The following ESRP1 variants were observed in gnomAD, a reference collection of about 807,000 sequenced individuals.
The protein encoded by ESRP1 is RNA-binding motif protein 35A.
ESRP1 carries 33 observed loss-of-function variants against 81.7 expected under a neutral mutation model. The ratio of observed to expected loss-of-function variants is 0.40; its 90% CI spans 0.31 to 0.54. The LOEUF is 0.54. ESRP1 is among the 20% of genes least tolerant of loss of function. The probability of loss-of-function intolerance (pLI) is 0.41; values close to 1 mark genes in which losing one functional copy is unlikely to be tolerated. For missense variants in ESRP1, 672 were observed against 833.1 expected, an observed-to-expected ratio of 0.81 and a Z score of 2.38; for synonymous variants, 320 against 303.3, an observed-to-expected ratio of 1.06 and a Z score of -0.57.
chr8:94,682,904 T>TTATTTATA (rs1554579845), intron 13 of ESRP1, among the ~76,000 whole-genome samples: 2 of 29,842 alleles, frequency 6.7e-5, no homozygotes, highest in African/African-American at 3.6e-4. Context: ...ATTCATTATT[T>TTATTTATA]TATATATATA....
chr8:94,658,412 A>G (rs1385467059), intron 4 of ESRP1, among the ~76,000 whole-genome samples: 1 of 152,238 alleles, frequency 6.6e-6, no homozygotes, highest in Non-Finnish European at 1.5e-5. Context: ...GCCTACACCC[A>G]GGAAATGTTA....
Position 94,662,296 on chromosome 8 carries a change from C to A in ESRP1, c.515C>A (p.Ser172Ter). Reference protein sequence around the residue: ...TEYLNFEKSSSVSRYGASQVE... With the variant: ...TEYLNFEKSS ...GATTTAAATTTTGAGAAGAGTAGTT[C>A]AGTCTCTCGATATGGAGCCTCTCAA... The change falls in exon 5 of 16, where the codon TCA becomes TAA. Residue 172 changes from serine to a stop codon, truncating the protein, a stop_gained. Coordinates refer to ENST00000433389, the MANE Select transcript of ESRP1 (RefSeq NM_017697.4). LOFTEE classifies it high-confidence loss of function. 2 of 1,578,162 alleles carry A rather than the reference C, an allele frequency of 1.3e-6. No homozygotes were observed. Among genetic ancestry groups the A allele is most frequent in the South Asian group, 2.3e-5 (2 of 85,706 alleles).
At chr8:94,662,414 AT>A (rs778120475) in intron 5 of ESRP1, 44 bp downstream of exon 5, 8 of 1,534,436 alleles carry the variant, frequency 5.2e-6, no homozygotes, top group South Asian at 4.8e-5. Flanking sequence ...AATTCATACT[AT>A]TTTTCTCTTA....
intron 15 of ESRP1, among the ~76,000 whole-genome samples, chr8:94,705,190 CAG>C (rs1810022123): frequency 9.9e-6 from 1 of 101,468 alleles, no homozygotes; most frequent in African/African-American, 3.9e-5. Context: ...TTTTTTGAGA[CAG>C]AGTCTCCCTC....
In ESRP1 at chr8:94,641,284, C is replaced by G; in HGVS notation, c.-35C>G. 3.2e-6 allele frequency: 5 copies of G among 1,560,276 alleles called. No homozygotes were observed. The highest frequency in any genetic ancestry group is 1.4e-5 in the African/African-American group (1 of 73,820). On this transcript the variant is annotated 5_prime_UTR_variant, in exon 1 of 16. Coordinates refer to ENST00000433389, the MANE Select transcript of ESRP1 (RefSeq NM_017697.4). Reference sequence around the variant, plus strand: ...TCACTTCCACACCACCTTACCGCCTCCCGACCCCCCCTCTCCCCCTCCCCA... The same window carrying G: ...TCACTTCCACACCACCTTACCGCCTGCCGACCCCCCCTCTCCCCCTCCCCA...
At chr8:94,699,874 T>G (rs749137338) in intron 15 of ESRP1, among the ~76,000 whole-genome samples, 143 of 147,374 alleles carry the variant, frequency 9.7e-4, no homozygotes, top group Middle Eastern at 3.4e-3. Flanking sequence ...GAACCTTGTT[T>G]CTTTCCCCTT....
intron 12 of ESRP1, among the ~76,000 whole-genome samples, chr8:94,675,856 A>G (rs1195946284): frequency 6.6e-6 from 1 of 152,216 alleles, no homozygotes; most frequent in Non-Finnish European, 1.5e-5. Context: ...TCAGCCAGGT[A>G]CAGTGATTCA....
At chr8:94,680,619 G>T (rs954611856) in intron 13 of ESRP1, among the ~76,000 whole-genome samples, 4 of 151,944 alleles carry the variant, frequency 2.6e-5, no homozygotes, top group Admixed American at 1.3e-4. Flanking sequence ...TAGAGAAGGG[G>T]TTTCTCCATG....
chr8:94,700,704 C>T (rs1028901100), intron 15 of ESRP1, among the ~76,000 whole-genome samples: 8 of 150,320 alleles, frequency 5.3e-5, no homozygotes, highest in East Asian at 2.0e-4. Flanking sequence ...CTGAGGCGGG[C>T]GGATCACGAG....
chr8:94,692,743 A>G lies in ESRP1; in HGVS notation c.1887A>G (p.Pro629=). 1.2e-6 allele frequency: 2 copies of G among 1,613,790 alleles called. No homozygotes were observed. Among genetic ancestry groups the G allele is most frequent in the South Asian group, 1.1e-5 (1 of 91,046 alleles). The change falls in exon 14 of 16, where the codon CCA becomes CCG. Residue 629 remains proline, a synonymous_variant. Transcript: ENST00000433389. ...CTGCTAATCTTAGCGGTGTCCCTCCACAGCCTGGCACGGTGGTCAGAATGC... is the reference window on the plus strand; with the variant it reads ...CTGCTAATCTTAGCGGTGTCCCTCCGCAGCCTGGCACGGTGGTCAGAATGC... The part of the protein sequence containing the change: ...PTAANLSGVP[P]QPGTVVRMQG...
intron 5 of ESRP1, 25 bp downstream of exon 5, chr8:94,662,395 C>A: frequency 1.3e-6 from 2 of 1,528,336 alleles, no homozygotes; most frequent in Non-Finnish European, 1.8e-6. Context: ...TATAGTAGTG[C>A]AGTCCCAGAA....
At chr8:94,683,136 G>A (rs938560089) in intron 13 of ESRP1, among the ~76,000 whole-genome samples, 2 of 151,044 alleles carry the variant, frequency 1.3e-5, no homozygotes, top group Non-Finnish European at 2.9e-5. Flanking sequence ...TAGAGACGGT[G>A]TTTCTCCATG....
In ESRP1 at chr8:94,661,617, G is replaced by T. The variant is rs185410479; in HGVS notation, c.491-655G>T. Among the ~76,000 whole-genome samples, 3 of 152,284 alleles carry T rather than the reference G, an allele frequency of 2.0e-5. No homozygotes were observed. The East Asian group carries it at 5.8e-4, about 29-fold the overall frequency. On this transcript the variant is annotated intron_variant, in intron 4 of 15. Coordinates refer to ENST00000433389, the MANE Select transcript of ESRP1 (RefSeq NM_017697.4). Reference sequence around the variant, plus strand: ...CTGGTTTCACCCTCAAACCAAGTTTGAGCTATGTGTTTCAAAGAGTATACT... The same window carrying T: ...CTGGTTTCACCCTCAAACCAAGTTTTAGCTATGTGTTTCAAAGAGTATACT...
In ESRP1 at chr8:94,705,156, C is replaced by CTTTTTT. The variant is rs57801249; in HGVS notation, c.*36-745_*36-740dup. On this transcript the variant is annotated intron_variant, in intron 15 of 15. Coordinates refer to ENST00000433389, the MANE Select transcript of ESRP1 (RefSeq NM_017697.4). ...TTTGCTGTTATGTCATGCCTTATTGCTTTTTTTTTTTTTTTTTTTTTTTTT... is the reference window on the plus strand; with the variant it reads ...TTTGCTGTTATGTCATGCCTTATTGCTTTTTTTTTTTTTTTTTTTTTTTTTTTTTTT... Among the ~76,000 whole-genome samples the CTTTTTT allele has an allele frequency of 3.8e-4, 34 of 90,536 alleles. 2 individuals are homozygous for CTTTTTT. The highest frequency in any genetic ancestry group is 9.9e-4 in the East Asian group (3 of 3,018). The allele number at this position is 90,536 out of a possible 152,430, so 59.4% of individuals were successfully genotyped here.
chr8:94,674,442 C>G lies in ESRP1; in HGVS notation c.1587C>G (p.Asn529Lys), dbSNP rs1031174206. 4.3e-6 allele frequency: 7 copies of G among 1,613,804 alleles called. No individual in the cohort carries two copies. The African/African-American group carries it at 9.3e-5, about 22-fold the overall frequency. ...EVFQCSAEEMNFVLMGGTLNR... is the reference protein window; with the variant it reads ...EVFQCSAEEMKFVLMGGTLNR... ...TTCAGTGTTCAGCTGAGGAGATGAA[C>G]TTTGTGTTAATGGGGGGCACTTTAA... Residue 529 changes from asparagine (N) to lysine (K), a missense_variant, in exon 12 of 16, where the codon AAC (asparagine) becomes AAG (lysine). Asn to Lys is a moderately conservative substitution (Grantham distance 94). Coordinates refer to ENST00000433389, the MANE Select transcript of ESRP1 (RefSeq NM_017697.4).
At position 94,641,415 on chromosome 8, in the gene ESRP1, C is replaced by A. The variant is rs746880350; in HGVS notation, c.97C>A (p.Leu33Met). 1.9e-6 allele frequency: 3 copies of A among 1,613,888 alleles called. No individual in the cohort carries two copies. The Admixed American group carries it at 5.0e-5, about 27-fold the overall frequency. The part of the protein sequence containing the change: ...LGSDEKELIL[L>M]FWKVVDLANK... ...CTCGGATGAGAAGGAGTTGATCCTG[C>A]TGTTCTGGAAAGTCGTGGATCTGGC... The change falls in exon 1 of 16, where the codon CTG becomes ATG. Residue 33 changes from leucine to methionine, a missense_variant. Leu to Met is a conservative substitution (Grantham distance 15). Coordinates refer to ENST00000433389, the MANE Select transcript of ESRP1 (RefSeq NM_017697.4).
In ESRP1 at chr8:94,682,096, G is replaced by C. The variant is rs144042074; in HGVS notation, c.1820+3725G>C. 1.4e-3 allele frequency among the ~76,000 whole-genome samples: 216 copies of C among 152,262 alleles called. 1 individual carries two copies. The highest frequency in any genetic ancestry group is 5.0e-3 in the African/African-American group (206 of 41,540). On this transcript the variant is annotated intron_variant, in intron 13 of 15. Coordinates refer to ENST00000433389, the MANE Select transcript of ESRP1 (RefSeq NM_017697.4). ...TTTCCAGTGACTCATACCTTAGCTA[G>C]GGCAGAAAAGTATTTAGAAGGGCTT...
In ESRP1 at chr8:94,646,237, G is replaced by C. The variant is rs572591229; in HGVS notation, c.445G>C (p.Gly149Arg). The C allele has an allele frequency of 6.2e-7, 1 of 1,612,620 alleles. No individual in the cohort carries two copies. Among genetic ancestry groups the C allele is most frequent in the South Asian group, 1.1e-5 (1 of 90,914 alleles). Residue 149 changes from glycine to arginine, a missense_variant, in exon 4 of 16, where the codon GGT (glycine) becomes CGT (arginine). Transcript: ENST00000433389. ...LRKEFKKCCP[G>R]SPDIDKLDVA... ...AAAAGAATTCAAGAAATGTTGCCCT[G>C]GTTCACCTGATATTGACAAACTGGA... is the stretch of plus-strand genomic sequence containing the variant.
At chr8:94,704,431 T>C (rs1401371831) in intron 15 of ESRP1, among the ~76,000 whole-genome samples, 4 of 151,984 alleles carry the variant, frequency 2.6e-5, no homozygotes, top group Non-Finnish European at 5.9e-5. Flanking sequence ...CTGGACGACA[T>C]AGGGAGACCC....
Sources: gnomAD v4.1 joint callset for allele counts (sites outside exome capture counted in the v4.1 genomes callset) on GRCh38, gnomAD v4.1.1 for gene constraint, MANE v1.5 for transcripts, NCBI Gene and HGNC (gene_info 2026-07-23, HGNC 2026-07-21) for gene names.